The following MAP3K13 variants were observed in gnomAD, a reference collection of about 807,000 sequenced individuals.
MAP3K13 encodes mitogen-activated protein kinase kinase kinase 13.
A neutral mutation model predicts 104.0 loss-of-function variants in MAP3K13; 52 were observed. The ratio of observed to expected loss-of-function variants is 0.50; its 90% CI spans 0.40 to 0.63. The LOEUF (loss-of-function observed/expected upper bound fraction) is 0.63, where lower values mean the gene tolerates loss of function less well. MAP3K13 is among the 20% of genes least tolerant of loss of function. The pLI is 0.00. For synonymous variants in MAP3K13, 394 were observed against 442.2 expected, an observed-to-expected ratio of 0.89 and a Z score of 1.37; for missense variants, 914 against 1,218.5, an observed-to-expected ratio of 0.75 and a Z score of 3.72.
chr3:185,455,595 G>C (rs796500459), intron 7 of MAP3K13, among the ~76,000 whole-genome samples: 1 of 9,202 alleles, frequency 1.1e-4, no homozygotes, highest in African/African-American at 1.8e-4. Flanking sequence ...ATATATATGA[G>C]ATATATATAT....
intron 1 of MAP3K13, among the ~76,000 whole-genome samples, chr3:185,368,497 G>T (rs1283531224): frequency 1.3e-5 from 2 of 152,178 alleles, no homozygotes; most frequent in African/African-American, 4.8e-5. Context: ...TGTTGGCACA[G>T]CAGGTGCAGT....
intron 1 of MAP3K13, chr3:185,417,806 T>C: frequency 1.9e-6 from 3 of 1,611,898 alleles, no homozygotes; most frequent in Non-Finnish European, 2.5e-6. Flanking sequence ...AGCTTCAACA[T>C]GATTCTCAAG....
At chr3:185,303,003 A>G (rs572763743) in intron 2 of MAP3K13, among the ~76,000 whole-genome samples, 83 of 152,310 alleles carry the variant, frequency 5.4e-4, no homozygotes, top group Admixed American at 1.7e-3. Flanking sequence ...TATTAAGATA[A>G]TATCCTTCTA....
intron 1 of MAP3K13, among the ~76,000 whole-genome samples, chr3:185,427,069 T>C (rs189791993): frequency 9.2e-5 from 14 of 152,260 alleles, no homozygotes; most frequent in Non-Finnish European, 2.1e-4. Context: ...GAACATACTT[T>C]GGGCTGGGCG....
At chr3:185,377,983 G>A (rs1340921749) in intron 1 of MAP3K13, among the ~76,000 whole-genome samples, 3 of 151,956 alleles carry the variant, frequency 2.0e-5, no homozygotes, top group African/African-American at 7.2e-5. Context: ...CAGATTTCCG[G>A]CACTTGTAGC....
rs1390249069 is a variant in MAP3K13, at chr3:185,342,474, A to G, written c.-86+56831A>G. 2.0e-5 allele frequency among the ~76,000 whole-genome samples: 3 copies of G among 152,310 alleles called. No individual in the cohort carries two copies. In the East Asian group the frequency reaches 5.8e-4, roughly 29 times the overall value. ...AGATGACATAGACAAGACTTTTAGG[A>G]AACAAAGGACATTGGAAGGCAAGAA... On this transcript the variant is annotated intron_variant, in intron 2 of 14. Coordinates refer to the MAP3K13 transcript ENST00000424227.
chr3:185,366,351 T>C (rs1723887419), intron 1 of MAP3K13, among the ~76,000 whole-genome samples: 1 of 152,190 alleles, frequency 6.6e-6, no homozygotes, highest in South Asian at 2.1e-4. Context: ...TTGATAGATA[T>C]TTGGGCTTCC....
Position 185,363,278 on chromosome 3 carries a change from A to G in MAP3K13, c.-176A>G. 1.0e-6 allele frequency: 1 copy of G among 984,536 alleles called. No homozygotes were observed. The highest frequency in any genetic ancestry group is 1.2e-6 in the Non-Finnish European group (1 of 829,700). 61.0% of individuals were successfully genotyped at this position (984,536 alleles called of 1,614,324 possible). On this transcript the variant is annotated 5_prime_UTR_variant, in exon 1 of 14. Coordinates refer to ENST00000265026, the MANE Select transcript of MAP3K13 (RefSeq NM_004721.5). ...TGTGGGTGGAATCCCCCTCCCCTTT[A>G]TTTTTCCAATTCTGCAAGGCTTTTA...
chr3:185,377,423 G>C (rs935644961), intron 1 of MAP3K13, among the ~76,000 whole-genome samples: 4 of 152,084 alleles, frequency 2.6e-5, no homozygotes, highest in Non-Finnish European at 2.9e-5. Flanking sequence ...GGATGTGAAG[G>C]AGGCTTTGAA....
chr3:185,438,303 A>T (rs1715152682), intron 3 of MAP3K13, among the ~76,000 whole-genome samples: 1 of 88,618 alleles, frequency 1.1e-5, no homozygotes, highest in Non-Finnish European at 2.9e-5. Flanking sequence ...AAAAAAAAGG[A>T]AAGAAAGAAG....
chr3:185,283,090 G>C (rs979777956), intron 1 of MAP3K13: 2 of 152,630 alleles, frequency 1.3e-5, no homozygotes, highest in African/African-American at 4.8e-5. Context: ...GGCCTAGATC[G>C]CTCGGGGCCC....
rs1426508030 is a variant in MAP3K13 at position 185,455,320 on chromosome 3, AGATATATAT to A, written c.1278+3937_1278+3945del. ...ATGAGATATATATGAGATATATATGAGATATATATGATATATATGAGATATATATGATAT... is the reference window on the plus strand; with the variant it reads ...ATGAGATATATATGAGATATATATGAGATATATATGAGATATATATGATAT... On this transcript the variant is annotated intron_variant, in intron 7 of 13. Coordinates refer to ENST00000265026, the MANE Select transcript of MAP3K13 (RefSeq NM_004721.5). Among the ~76,000 whole-genome samples the A allele has an allele frequency of 1.0e-3, 77 of 77,258 alleles. 3 individuals are homozygous for A. The highest frequency in any genetic ancestry group is 2.0e-3 in the East Asian group (6 of 3,008). The allele number at this position is 77,258 out of a possible 152,430, so 50.7% of individuals were successfully genotyped here. A position where few individuals can be genotyped will look rare whatever the true frequency, so the allele number is the denominator to read the frequency against.
At chr3:185,409,369 A>G (rs1020056047) in intron 1 of MAP3K13, among the ~76,000 whole-genome samples, 3 of 152,208 alleles carry the variant, frequency 2.0e-5, no homozygotes, top group Non-Finnish European at 4.4e-5. Context: ...CCCTGTCTCT[A>G]ATTAATTAAT....
Position 185,482,358 on chromosome 3 carries a change from C to T in MAP3K13, c.2803C>T (p.Pro935Ser), listed in dbSNP as rs764116860. Residue 935 changes from proline (P) to serine (S), a missense_variant, in exon 14 of 14, where the codon CCC (proline) becomes TCC (serine). By Grantham distance (74) the Pro-to-Ser change is moderately conservative. Transcript: ENST00000265026. This position sits in a 1 kb window ranked among gnomAD's most constrained non-coding sequence, Gnocchi z 4.5. ...LCVEERGYEN[P>S]MQFEESDCDS... ...AGGTTTTGTCTTGCCTTTGCAGAACCCCATGCAGTTTGAAGAATCGGACTG... is the reference window on the plus strand; with the variant it reads ...AGGTTTTGTCTTGCCTTTGCAGAACTCCATGCAGTTTGAAGAATCGGACTG... 3 of 1,612,560 alleles carry T rather than the reference C, an allele frequency of 1.9e-6. No homozygotes were observed. Among genetic ancestry groups the T allele is most frequent in the East Asian group, 4.5e-5 (2 of 44,878 alleles).
chr3:185,323,758 A>T (rs765061198), intron 2 of MAP3K13, among the ~76,000 whole-genome samples: 1 of 152,016 alleles, frequency 6.6e-6, no homozygotes, highest in African/African-American at 2.4e-5. Flanking sequence ...ATTCACGTAC[A>T]TGTGTATGTT....
At chr3:185,331,314 C>T (rs899795048) in intron 2 of MAP3K13, among the ~76,000 whole-genome samples, 4 of 151,946 alleles carry the variant, frequency 2.6e-5, no homozygotes, top group South Asian at 2.1e-4. Context: ...AGGCTGGTCT[C>T]GAACTCCCGA....
At chr3:185,468,910 T>TG (rs1717615289) in intron 10 of MAP3K13, among the ~76,000 whole-genome samples, 1 of 152,296 alleles carries the variant, frequency 6.6e-6, no homozygotes, top group South Asian at 2.1e-4. Context: ...CTAAGAGCGC[T>TG]GGGGGAGAAA....
intron 7 of MAP3K13, among the ~76,000 whole-genome samples, chr3:185,456,327 G>A (rs1716742090): frequency 6.6e-6 from 1 of 152,064 alleles, no homozygotes; most frequent in East Asian, 1.9e-4. Context: ...TAAGTAAAGT[G>A]TTTGCTTTCA....
chr3:185,447,288 C>T (rs993661477), intron 4 of MAP3K13, among the ~76,000 whole-genome samples: 3 of 151,538 alleles, frequency 2.0e-5, no homozygotes, highest in Non-Finnish European at 2.9e-5. Flanking sequence ...GTCAGGAGTT[C>T]GAGACCAGCC....
Sources: allele counts gnomAD v4.1 joint callset (sites outside exome capture counted in the v4.1 genomes callset), GRCh38; gene constraint gnomAD v4.1.1; non-coding constraint Gnocchi (gnomAD v3.1); transcripts MANE v1.5; gene names NCBI Gene and HGNC (gene_info 2026-07-23, HGNC 2026-07-21).